Variants in RXFP2 observed in about 807,000 individuals in gnomAD.
The protein encoded by RXFP2 is relaxin receptor 2.
In RXFP2, 68 loss-of-function variants were observed where a neutral mutation model predicts 88.6. The observed-to-expected ratio is 0.77, with a 90% CI of 0.63 to 0.94. The LOEUF (loss-of-function observed/expected upper bound fraction) is 0.94. Among genes scored for constraint, RXFP2 ranks in the 40% least tolerant of loss-of-function variants. The pLI is 0.00. For missense variants in RXFP2, 791 were observed against 893.9 expected (o/e 0.88, Z 1.47); for synonymous variants, 329 against 306.8 (o/e 1.07, Z -0.76).
rs1008157742 is a variant in RXFP2, at chr13:31,756,967, T to G, written c.95-1291T>G. Among the ~76,000 whole-genome samples the G allele has an allele frequency of 3.9e-5, 6 of 152,294 alleles. No homozygotes were observed. In the East Asian group the frequency reaches 1.2e-3, roughly 29 times the overall value. On this transcript the variant is annotated intron_variant, in intron 1 of 17. Transcript: ENST00000298386. ...GACTTCTGTAATTTTATTAGCCAAC[T>G]TAAAACATGTCTCTTTATTTTCTGA...
intron 1 of RXFP2, among the ~76,000 whole-genome samples, chr13:31,756,852 C>T (rs1871977386): frequency 6.6e-6 from 1 of 152,042 alleles, no homozygotes; most frequent in African/African-American, 2.4e-5. Context: ...AACTGCTGGC[C>T]TCAAGTAATT....
At chr13:31,797,059 G>T in intron 16 of RXFP2, 142 bp from the exon 17 acceptor site, 1 of 697,820 alleles carries the variant, frequency 1.4e-6, no homozygotes, top group South Asian at 1.6e-5. Flanking sequence ...ATATCATTAT[G>T]AATGTGTAAA....
intron 1 of RXFP2, among the ~76,000 whole-genome samples, chr13:31,753,626 T>C (rs1055908571): frequency 6.6e-6 from 1 of 152,204 alleles, no homozygotes; most frequent in African/African-American, 2.4e-5. Context: ...AGCTAGTGAT[T>C]CTTTTTTCAC....
chr13:31,780,004 A>G (rs1037687185), intron 9 of RXFP2, among the ~76,000 whole-genome samples: 5 of 152,214 alleles, frequency 3.3e-5, no homozygotes, highest in Non-Finnish European at 7.3e-5. Context: ...ACAAGTGCAT[A>G]TACACAATGG....
intron 13 of RXFP2, among the ~76,000 whole-genome samples, chr13:31,786,927 A>G (rs1411158659): frequency 6.6e-6 from 1 of 152,248 alleles, no homozygotes; most frequent in Admixed American, 6.5e-5. Context: ...TTAAATTTGC[A>G]ATAGTTTTGT....
chr13:31,746,536 C>T (rs2138384058), intron 1 of RXFP2, among the ~76,000 whole-genome samples: 1 of 152,250 alleles, frequency 6.6e-6, no homozygotes, highest in East Asian at 1.9e-4. Context: ...AATTACCACT[C>T]CCACCTTTAA....
At chr13:31,782,633 A>G (rs775331662) in intron 10 of RXFP2, 43 bp from the exon 11 acceptor site, 1 of 1,415,632 alleles carries the variant, frequency 7.1e-7, no homozygotes, top group South Asian at 1.1e-5. Context: ...TGATTACTAC[A>G]GCAGACGCAA....
chr13:31,742,066 AGTT>A (rs918507225), intron 1 of RXFP2, among the ~76,000 whole-genome samples: 19 of 152,178 alleles, frequency 1.2e-4, no homozygotes, highest in African/African-American at 4.1e-4. Context: ...TCTAAAATAA[AGTT>A]ATTAAACATA....
At chr13:31,790,736 G>A (rs1290257041) in intron 14 of RXFP2, among the ~76,000 whole-genome samples, 1 of 152,210 alleles carries the variant, frequency 6.6e-6, no homozygotes, top group Non-Finnish European at 1.5e-5. Flanking sequence ...GGAGGATTGA[G>A]GATTACCACT....
intron 1 of RXFP2, among the ~76,000 whole-genome samples, chr13:31,743,827 C>T (rs1593442217): frequency 6.6e-6 from 1 of 152,082 alleles, no homozygotes; most frequent in East Asian, 1.9e-4. Flanking sequence ...CTTCAGCTCT[C>T]TTGCTCTCTG....
chr13:31,798,292 AC>A (rs955973953), intron 17 of RXFP2, among the ~76,000 whole-genome samples: 27 of 152,324 alleles, frequency 1.8e-4, no homozygotes, highest in African/African-American at 6.3e-4. Flanking sequence ...GCTGCAAAAT[AC>A]CACACAACAT....
chr13:31,741,747 T>C (rs1871231113), intron 1 of RXFP2, among the ~76,000 whole-genome samples: 1 of 152,188 alleles, frequency 6.6e-6, no homozygotes, highest in African/African-American at 2.4e-5. Context: ...TGTTTTATCA[T>C]TAATTTATTC....
intron 1 of RXFP2, among the ~76,000 whole-genome samples, chr13:31,749,030 A>G (rs895327641): frequency 2.0e-5 from 3 of 152,048 alleles, no homozygotes; most frequent in African/African-American, 4.8e-5. Context: ...CTTAATTTGT[A>G]TATTGTCTAA....
chr13:31,790,261 C>T (rs751189450), intron 14 of RXFP2, among the ~76,000 whole-genome samples: 2 of 152,092 alleles, frequency 1.3e-5, no homozygotes, highest in Non-Finnish European at 2.9e-5. Context: ...GTGGTCACAG[C>T]GCAAGGGGGC....
chr13:31,739,833 G>T, intron 1 of RXFP2, 127 bp downstream of exon 1: 1 of 707,570 alleles, frequency 1.4e-6, no homozygotes, highest in Non-Finnish European at 2.5e-6. Context: ...AAATTTGCCT[G>T]GTATTTGTCA....
At chr13:31,785,980 G>A (rs973408538) in intron 11 of RXFP2, among the ~76,000 whole-genome samples, 13 of 152,194 alleles carry the variant, frequency 8.5e-5, no homozygotes, top group African/African-American at 3.1e-4. Flanking sequence ...ACAAATCAAA[G>A]ATGCAAGACT....
chr13:31,786,513 T>C, intron 12 of RXFP2, 53 bp from the exon 13 acceptor site: 1 of 1,542,396 alleles, frequency 6.5e-7, no homozygotes, highest in Non-Finnish European at 9.0e-7. Flanking sequence ...GCTTTCAAAA[T>C]AATAATACCT....
chr13:31,789,140 G>C lies in RXFP2; in HGVS notation c.1092G>C (p.Glu364Asp). ...TTTCCAGAGACCTGGAAAGGATAGA[G>C]ATTCCAAATATAAACACACGAATGT... ...QLQSLDLERIEIPNINTRMFQ... is the reference protein window; with the variant it reads ...QLQSLDLERIDIPNINTRMFQ... Residue 364 changes from glutamate (E) to aspartate (D), a missense_variant, in exon 14 of 18, where the codon GAG becomes GAC. Coordinates refer to ENST00000298386, the MANE Select transcript of RXFP2 (RefSeq NM_130806.5). The C allele has an allele frequency of 6.2e-7, 1 of 1,607,246 alleles. No homozygotes were observed. The highest frequency in any genetic ancestry group is 8.5e-7 in the Non-Finnish European group (1 of 1,174,798).
chr13:31,782,084 T>A (rs1298255669), intron 10 of RXFP2, among the ~76,000 whole-genome samples: 1 of 152,052 alleles, frequency 6.6e-6, no homozygotes, highest in Non-Finnish European at 1.5e-5. Context: ...AGCTTTACAA[T>A]GATTAGCCAA....
Sources: gnomAD v4.1 joint callset for allele counts (sites outside exome capture counted in the v4.1 genomes callset) on GRCh38, gnomAD v4.1.1 for gene constraint, MANE v1.5 for transcripts, NCBI Gene and HGNC (gene_info 2026-07-23, HGNC 2026-07-21) for gene names.